The following KLRG1 variants were observed in gnomAD, a reference collection of about 807,000 sequenced individuals.
KLRG1 encodes the protein killer cell lectin like receptor G1, also known as killer cell lectin-like receptor subfamily G member 1.
KLRG1 carries 16 observed loss-of-function variants against 21.8 expected under a neutral mutation model. That is an observed-to-expected ratio of 0.73 (90% confidence interval 0.50 to 1.11). The LOEUF is 1.11. Among genes scored for constraint, KLRG1 ranks in the 50% most tolerant of loss-of-function variants. The pLI, the probability that KLRG1 is intolerant of heterozygous loss-of-function variation, is 0.00. For synonymous variants in KLRG1, 69 were observed against 75.9 expected (o/e 0.91, Z 0.47); for missense variants, 173 against 218.3 (o/e 0.79, Z 1.31).
At chr12:8,997,802 T>G (rs1444813404) in intron 3 of KLRG1, among the ~76,000 whole-genome samples, 1 of 152,146 alleles carries the variant, frequency 6.6e-6, no homozygotes, top group South Asian at 2.1e-4. Context: ...TTTTTTCTTT[T>G]TGAGATGGAG....
chr12:9,102,514 C>T, the KLRG1 span, among the ~76,000 whole-genome samples: 1 of 152,152 alleles, frequency 6.6e-6, no homozygotes, highest in Non-Finnish European at 1.5e-5. Flanking sequence ...CCGTGCCTGG[C>T]CTAGGCTGAC....
downstream of KLRG1, among the ~76,000 whole-genome samples, chr12:9,015,450 G>A (rs1050205256): frequency 1.3e-5 from 2 of 152,096 alleles, no homozygotes; most frequent in African/African-American, 2.4e-5. Flanking sequence ...AATTCAGCAA[G>A]AGGATATAAT....
chr12:9,032,213 T>C, the KLRG1 span, among the ~76,000 whole-genome samples: 1 of 152,160 alleles, frequency 6.6e-6, no homozygotes, highest in South Asian at 2.1e-4. Context: ...TTTGGTTGAC[T>C]CAGAATTTTG....
the KLRG1 span, chr12:9,208,297 A>G: frequency 3.1e-6 from 5 of 1,613,648 alleles, no homozygotes; most frequent in African/African-American, 6.7e-5. Flanking sequence ...AAAGCAGGAT[A>G]AGAAGTAGCA....
At chr12:9,203,337 CTTTTTT>C in the KLRG1 span, among the ~76,000 whole-genome samples, 7,096 of 114,472 alleles carry the variant, frequency 0.062, 330 homozygotes, top group African/African-American at 0.16. Context: ...AACTACATTC[CTTTTTT>C]TTTTTTTTTT....
chr12:8,953,990 C>G (rs1037398087), intron 1 of KLRG1, among the ~76,000 whole-genome samples: 1 of 152,062 alleles, frequency 6.6e-6, no homozygotes, highest in African/African-American at 2.4e-5. Context: ...CGAGAAGTTG[C>G]GGGAGGGTGT....
At chr12:9,115,832 G>C in the KLRG1 span, 2 of 1,613,316 alleles carry the variant, frequency 1.2e-6, no homozygotes, top group Non-Finnish European at 1.7e-6. Flanking sequence ...TTGGATGAAG[G>C]AGTTTGTTCT....
chr12:9,103,002 T>C, the KLRG1 span, among the ~76,000 whole-genome samples: 1 of 152,198 alleles, frequency 6.6e-6, no homozygotes, highest in Non-Finnish European at 1.5e-5. Context: ...CATGTATCTA[T>C]AGACATGTCT....
the KLRG1 span, chr12:9,074,655 G>T: frequency 1.2e-6 from 2 of 1,613,984 alleles, no homozygotes; most frequent in Non-Finnish European, 1.7e-6. Context: ...GTTGGGGCTG[G>T]CTGGGCCGTG....
chr12:9,211,489 T>C, the KLRG1 span, among the ~76,000 whole-genome samples: 4 of 152,192 alleles, frequency 2.6e-5, no homozygotes, highest in Non-Finnish European at 5.9e-5. Flanking sequence ...TGTTCATACA[T>C]TGTTTTTCTA....
the KLRG1 span, chr12:9,107,657 C>T: frequency 1.2e-6 from 2 of 1,612,862 alleles, no homozygotes; most frequent in Non-Finnish European, 1.7e-6. Context: ...GTCATGAGAA[C>T]ATTCCCAAAG....
chr12:9,160,023 A>G, the KLRG1 span: 2 of 1,613,232 alleles, frequency 1.2e-6, no homozygotes, highest in Non-Finnish European at 1.7e-6. Context: ...TGTCTCTGGT[A>G]ACCTGAAATG....
the KLRG1 span, among the ~76,000 whole-genome samples, chr12:9,102,791 T>A: frequency 1.4e-4 from 21 of 152,212 alleles, no homozygotes; most frequent in Admixed American, 3.9e-4. Context: ...ACTAGCACAG[T>A]GCTGGCACGT....
At chr12:9,140,242 CAT>C in the KLRG1 span, among the ~76,000 whole-genome samples, 2 of 152,138 alleles carry the variant, frequency 1.3e-5, no homozygotes, top group Non-Finnish European at 2.9e-5. Context: ...AGGGTAAGAA[CAT>C]TAGTCCTAGG....
chr12:9,133,704 A>G, the KLRG1 span, among the ~76,000 whole-genome samples: 1 of 152,180 alleles, frequency 6.6e-6, no homozygotes, highest in Middle Eastern at 3.2e-3. Flanking sequence ...AACTCCCCAG[A>G]CAGAAATAAA....
chr12:9,143,364 A>G, the KLRG1 span, among the ~76,000 whole-genome samples: 1 of 152,108 alleles, frequency 6.6e-6, no homozygotes, highest in Non-Finnish European at 1.5e-5. Flanking sequence ...TAACAGGTGG[A>G]GAAGGAGGAA....
chr12:8,986,003 T>C (rs191035712), upstream of KLRG1, among the ~76,000 whole-genome samples: 2,464 of 152,174 alleles, frequency 0.016, 73 homozygotes, highest in African/African-American at 0.056. Flanking sequence ...GGCCTTCCCC[T>C]TGGGGCCTGA....
chr12:8,986,220 C>T (rs959438370), upstream of KLRG1, among the ~76,000 whole-genome samples: 2 of 152,272 alleles, frequency 1.3e-5, no homozygotes, highest in African/African-American at 2.4e-5. Context: ...TGGTGGTTCA[C>T]GCAGTGAACC....
At chr12:9,105,166 G>A in the KLRG1 span, among the ~76,000 whole-genome samples, 1 of 152,128 alleles carries the variant, frequency 6.6e-6, no homozygotes, top group East Asian at 1.9e-4. Context: ...AGCTACAGTT[G>A]GTAGCAGGAA....
Sources: allele counts gnomAD v4.1 joint callset (sites outside exome capture counted in the v4.1 genomes callset), GRCh38; gene constraint gnomAD v4.1.1; transcripts MANE v1.5; gene names NCBI Gene and HGNC (gene_info 2026-07-23, HGNC 2026-07-21).